AUTS2: variants seen among roughly 807,000 people sequenced by gnomAD.
AUTS2 encodes the protein autism susceptibility gene 2 protein.
Under a neutral mutation model 112.4 loss-of-function variants are expected in AUTS2, and 17 were observed. That is an observed-to-expected ratio of 0.15 (90% CI 0.10 to 0.23). The LOEUF (loss-of-function observed/expected upper bound fraction) is 0.23, where lower values mean the gene tolerates loss of function less well. Among genes scored for constraint, AUTS2 ranks in the 10% least tolerant of loss-of-function variants. AUTS2 has a pLI of 1.00. For missense variants in AUTS2, 1,510 were observed against 1,701.6 expected (o/e 0.89, Z 1.98); for synonymous variants, 751 against 702.7 (o/e 1.07, Z -1.09).
At chr7:70,196,900 CTCTT>C (rs1362669115) in intron 4 of AUTS2, among the ~76,000 whole-genome samples, 2 of 152,142 alleles carry the variant, frequency 1.3e-5, no homozygotes, top group African/African-American at 4.8e-5. Flanking sequence ...TTGTTGTTCT[CTCTT>C]AAGAAAAAGG....
intron 6 of AUTS2, among the ~76,000 whole-genome samples, chr7:70,743,092 CTTT>C (rs1291417009): frequency 6.6e-6 from 1 of 152,138 alleles, no homozygotes; most frequent in Non-Finnish European, 1.5e-5. Flanking sequence ...ATTATTTCAG[CTTT>C]TTAGTCTGTT....
rs182151851 is a variant in AUTS2 at position 69,630,176 on chromosome 7, G to C, written c.309+30214G>C. Reference sequence around the variant, plus strand: ...GGAGGCTGAGACAGGAGAATGGCTTGAACTCTGGAGGCGGAGGTTGCAGTG... The same window carrying C: ...GGAGGCTGAGACAGGAGAATGGCTTCAACTCTGGAGGCGGAGGTTGCAGTG... On this transcript the variant is annotated intron_variant, in intron 1 of 18. Transcript: ENST00000342771. Among the ~76,000 whole-genome samples the C allele has an allele frequency of 5.5e-3, 832 of 152,258 alleles. 1 individual carries two copies. The highest frequency in any genetic ancestry group is 9.0e-3 in the Non-Finnish European group (612 of 68,026).
intron 2 of AUTS2, among the ~76,000 whole-genome samples, chr7:69,905,054 G>A (rs1211279415): frequency 6.6e-6 from 1 of 152,122 alleles, no homozygotes; most frequent in Non-Finnish European, 1.5e-5. Flanking sequence ...TATATGAAAG[G>A]TGTTTTGCTT....
At chr7:69,836,208 G>C (rs1186717741) in intron 1 of AUTS2, among the ~76,000 whole-genome samples, 1 of 152,152 alleles carries the variant, frequency 6.6e-6, no homozygotes, top group East Asian at 1.9e-4. Context: ...AGTATAAACA[G>C]ATTTCTGCTC....
At chr7:69,711,124 G>T (rs1048422283) in intron 1 of AUTS2, among the ~76,000 whole-genome samples, 1 of 152,206 alleles carries the variant, frequency 6.6e-6, no homozygotes, top group Non-Finnish European at 1.5e-5. Flanking sequence ...TTTAAAGTAT[G>T]ATTGAGGTTT....
At chr7:70,377,166 C>G (rs911265812) in intron 4 of AUTS2, among the ~76,000 whole-genome samples, 14 of 150,676 alleles carry the variant, frequency 9.3e-5, no homozygotes, top group African/African-American at 3.2e-4. Flanking sequence ...TTCTTTGAAG[C>G]CTAAAGTCTT....
chr7:69,674,991 G>A (rs1223863075), intron 1 of AUTS2, among the ~76,000 whole-genome samples: 1 of 152,194 alleles, frequency 6.6e-6, no homozygotes, highest in African/African-American at 2.4e-5. Context: ...TTAGTCTGGT[G>A]TCTTTAACCC....
chr7:70,007,835 T>C (rs11975908), intron 2 of AUTS2, among the ~76,000 whole-genome samples: 4,888 of 152,284 alleles, frequency 0.032, 274 homozygotes, highest in African/African-American at 0.11. Flanking sequence ...TAAGATTTTC[T>C]ATTTATTCAG....
At chr7:70,259,501 A>C (rs769158588) in intron 4 of AUTS2, among the ~76,000 whole-genome samples, 2 of 152,182 alleles carry the variant, frequency 1.3e-5, no homozygotes, top group African/African-American at 4.8e-5. Flanking sequence ...GCCTCTGTGC[A>C]TTCTGTCCTC....
intron 2 of AUTS2, among the ~76,000 whole-genome samples, chr7:69,945,400 T>A (rs1463968226): frequency 6.6e-6 from 1 of 152,190 alleles, no homozygotes; most frequent in Non-Finnish European, 1.5e-5. Flanking sequence ...GCATAATGTT[T>A]TCAATATTCA....
chr7:69,647,478 C>T (rs561458653), intron 1 of AUTS2, among the ~76,000 whole-genome samples: 8 of 152,026 alleles, frequency 5.3e-5, no homozygotes, highest in Non-Finnish European at 1.2e-4. Context: ...AGCCTCCTTC[C>T]TGAGTAGCTG....
chr7:70,206,637 C>G (rs556738023), intron 4 of AUTS2, among the ~76,000 whole-genome samples: 2 of 152,296 alleles, frequency 1.3e-5, no homozygotes, highest in East Asian at 3.9e-4. Flanking sequence ...TGAATACACA[C>G]TTAGGATACA....
intron 4 of AUTS2, among the ~76,000 whole-genome samples, chr7:70,379,812 C>A (rs1793287217): frequency 1.3e-5 from 2 of 152,178 alleles, no homozygotes; most frequent in Non-Finnish European, 2.9e-5. Context: ...CTAAGAACTT[C>A]ACCTTTACCA....
intron 6 of AUTS2, among the ~76,000 whole-genome samples, chr7:70,715,715 A>G (rs1178439975): frequency 6.6e-6 from 1 of 151,980 alleles, no homozygotes; most frequent in Non-Finnish European, 1.5e-5. Flanking sequence ...TATTTTTAGT[A>G]GAGATGAGGT....
chr7:70,638,300 C>T (rs766096261), intron 5 of AUTS2, among the ~76,000 whole-genome samples: 10 of 152,108 alleles, frequency 6.6e-5, no homozygotes, highest in Non-Finnish European at 1.2e-4. Flanking sequence ...CATGACTTCC[C>T]GAACAGTAAA....
intron 4 of AUTS2, among the ~76,000 whole-genome samples, chr7:70,414,604 A>T (rs1794914860): frequency 6.6e-6 from 1 of 152,200 alleles, no homozygotes; most frequent in South Asian, 2.1e-4. Flanking sequence ...GACAATTATG[A>T]GACTCTCAGA....
At chr7:70,707,733 C>T (rs1010336798) in intron 6 of AUTS2, among the ~76,000 whole-genome samples, 5 of 152,284 alleles carry the variant, frequency 3.3e-5, no homozygotes, top group Non-Finnish European at 5.9e-5. Flanking sequence ...GTTACTGCAG[C>T]GCAGTGGGGC....
intron 2 of AUTS2, among the ~76,000 whole-genome samples, chr7:70,100,795 G>T (rs532439498): frequency 6.6e-6 from 1 of 152,146 alleles, no homozygotes; most frequent in Non-Finnish European, 1.5e-5. Context: ...ATTACAATAG[G>T]AATATGAGGT....
chr7:70,442,888 T>TTTTTATTTTTATA (rs1796177111), intron 5 of AUTS2, among the ~76,000 whole-genome samples: 1 of 152,208 alleles, frequency 6.6e-6, no homozygotes, highest in Non-Finnish European at 1.5e-5. Flanking sequence ...GACATTTTAT[T>TTTTTATTTTTATA]GTTCTTCCAA....
Sources: allele counts gnomAD v4.1 joint callset (sites outside exome capture counted in the v4.1 genomes callset), GRCh38; gene constraint gnomAD v4.1.1; transcripts MANE v1.5; gene names NCBI Gene and HGNC (gene_info 2026-07-23, HGNC 2026-07-21).